AKAP7: variants seen among roughly 807,000 people sequenced by gnomAD.
AKAP7 encodes the protein A-kinase anchoring protein 7.
AKAP7 carries 39 observed loss-of-function variants against 39.5 expected under a neutral mutation model. The ratio of observed to expected loss-of-function variants is 0.99; its 90% CI spans 0.76 to 1.29. The LOEUF (loss-of-function observed/expected upper bound fraction) is 1.29, where lower values mean the gene tolerates loss of function less well. Ranked by LOEUF, AKAP7 falls within the 50% of genes most tolerant of loss-of-function variation. The probability of loss-of-function intolerance (pLI) is 0.00; values close to 1 mark genes in which losing one functional copy is unlikely to be tolerated. For synonymous variants in AKAP7, 140 were observed against 139.1 expected (o/e 1.01, Z -0.05); for missense variants, 414 against 407.7 (o/e 1.02, Z -0.13).
chr6:131,261,988 G>A (rs1041949783), intron 7 of AKAP7, among the ~76,000 whole-genome samples: 3 of 152,138 alleles, frequency 2.0e-5, no homozygotes, highest in Admixed American at 6.5e-5. Flanking sequence ...CCACATAGCC[G>A]AGACTCAGAC....
intron 2 of AKAP7, among the ~76,000 whole-genome samples, chr6:131,155,151 T>C (rs1029457877): frequency 3.3e-5 from 5 of 152,112 alleles, no homozygotes; most frequent in Non-Finnish European, 7.4e-5. Flanking sequence ...GTAGCTGGGA[T>C]TATAGGTGCA....
At chr6:131,134,837 A>C (rs1011898736), upstream of AKAP7, among the ~76,000 whole-genome samples, 7 of 152,198 alleles carry the variant, frequency 4.6e-5, no homozygotes, top group Non-Finnish European at 8.8e-5. Flanking sequence ...GGATGCACCT[A>C]ATGTTCTTAA....
chr6:131,250,957 T>G (rs938331309), intron 7 of AKAP7, among the ~76,000 whole-genome samples: 4 of 152,236 alleles, frequency 2.6e-5, no homozygotes, highest in South Asian at 2.1e-4. Context: ...TTTGATATAC[T>G]GTACAAGCCA....
At chr6:131,129,852 A>G in the AKAP7 span, among the ~76,000 whole-genome samples, 1 of 152,242 alleles carries the variant, frequency 6.6e-6, no homozygotes, top group South Asian at 2.1e-4. Context: ...GTAGAACTGC[A>G]TGATGTCATC....
intron 7 of AKAP7, among the ~76,000 whole-genome samples, chr6:131,226,730 A>C (rs939438291): frequency 6.6e-6 from 1 of 152,194 alleles, no homozygotes; most frequent in African/African-American, 2.4e-5. Flanking sequence ...ATCTTACAGG[A>C]GGCAGTGGGG....
intron 5 of AKAP7, among the ~76,000 whole-genome samples, chr6:131,180,097 A>C (rs923773169): frequency 3.7e-4 from 56 of 152,106 alleles, no homozygotes; most frequent in Non-Finnish European, 8.1e-4. Flanking sequence ...AGCAACTATA[A>C]CCTTCTACCC....
At chr6:131,161,077 T>C (rs1351326095) in intron 3 of AKAP7, among the ~76,000 whole-genome samples, 1 of 152,200 alleles carries the variant, frequency 6.6e-6, no homozygotes, top group East Asian at 1.9e-4. Context: ...GCCTTTCCCC[T>C]TGTTTAACTA....
chr6:131,245,288 C>T (rs1231248157), intron 7 of AKAP7, among the ~76,000 whole-genome samples: 5 of 150,100 alleles, frequency 3.3e-5, no homozygotes, highest in South Asian at 4.2e-4. Context: ...CACTGTTGCC[C>T]GGGCTGGAGT....
upstream of AKAP7, among the ~76,000 whole-genome samples, chr6:131,131,061 C>T (rs555311026): frequency 6.6e-6 from 1 of 152,276 alleles, no homozygotes; most frequent in Admixed American, 6.5e-5. Context: ...CAAACCTATC[C>T]TGAAGGGTTG....
chr6:131,237,498 T>C (rs1395505147), intron 7 of AKAP7, among the ~76,000 whole-genome samples: 1 of 152,234 alleles, frequency 6.6e-6, no homozygotes, highest in East Asian at 1.9e-4. Context: ...CTCCTCCTTG[T>C]ACCTCTGGTA....
chr6:131,183,360 T>C (rs1746470), intron 5 of AKAP7, among the ~76,000 whole-genome samples: 44,453 of 152,004 alleles, frequency 0.29, 7,192 homozygotes, highest in Non-Finnish European at 0.36. Context: ...GGCTTCCCCA[T>C]GAGCTGAGAG....
intron 7 of AKAP7, chr6:131,242,304 A>T: frequency 3.1e-6 from 2 of 649,264 alleles, no homozygotes; most frequent in Non-Finnish European, 3.8e-6. Flanking sequence ...AACAACTTGG[A>T]TCATAATAAG....
chr6:131,135,445 C>A (rs951839099), upstream of AKAP7, among the ~76,000 whole-genome samples: 3 of 150,526 alleles, frequency 2.0e-5, no homozygotes, highest in African/African-American at 7.3e-5. Flanking sequence ...CGGGTACCAC[C>A]GGCGACTCGG....
At chr6:131,174,926 A>T (rs1804429626) in intron 5 of AKAP7, among the ~76,000 whole-genome samples, 1 of 100,226 alleles carries the variant, frequency 1.0e-5, no homozygotes. Flanking sequence ...GCGTAGTCAG[A>T]ATTCCCCATG....
intron 7 of AKAP7, among the ~76,000 whole-genome samples, chr6:131,279,310 C>G (rs1815011114): frequency 6.6e-6 from 1 of 152,092 alleles, no homozygotes; most frequent in African/African-American, 2.4e-5. Context: ...CACTCTGTCA[C>G]CAGGCCGGAG....
At chr6:131,195,278 C>T (rs915611497) in intron 5 of AKAP7, among the ~76,000 whole-genome samples, 3 of 151,876 alleles carry the variant, frequency 2.0e-5, no homozygotes, top group African/African-American at 4.8e-5. Flanking sequence ...ACAACTTAAC[C>T]CTGATTGAAT....
At chr6:131,275,047 T>C (rs1391444241) in intron 7 of AKAP7, among the ~76,000 whole-genome samples, 1 of 152,224 alleles carries the variant, frequency 6.6e-6, no homozygotes, top group Non-Finnish European at 1.5e-5. Flanking sequence ...CCTCCTAGAC[T>C]GACTTGTGTG....
At position 131,186,558 on chromosome 6, in the gene AKAP7, T is replaced by A. The variant is rs558540442; in HGVS notation, c.590-12903T>A. Among the ~76,000 whole-genome samples the A allele has an allele frequency of 5.3e-5, 8 of 152,288 alleles. No individual in the cohort carries two copies. The South Asian group carries it at 1.7e-3, about 32-fold the overall frequency. ...TAACAAAATTCCTGGACTGGGTAAT[T>A]TATAAACAACAGAAATTTATTCATC... is the stretch of plus-strand genomic sequence containing the variant. On this transcript the variant is annotated intron_variant, in intron 5 of 7. Transcript: ENST00000431975.
chr6:131,197,603 C>T (rs1395733296), intron 5 of AKAP7, among the ~76,000 whole-genome samples: 1 of 152,044 alleles, frequency 6.6e-6, no homozygotes, highest in African/African-American at 2.4e-5. Context: ...ATTTTGGCTT[C>T]TATTGCATTG....
Sources: allele counts gnomAD v4.1 joint callset (sites outside exome capture counted in the v4.1 genomes callset), GRCh38; gene constraint gnomAD v4.1.1; transcripts MANE v1.5; gene names NCBI Gene and HGNC (gene_info 2026-07-23, HGNC 2026-07-21).